SNX29: variants seen among roughly 807,000 people sequenced by gnomAD.
SNX29 encodes the protein sorting nexin 29.
A neutral mutation model predicts 102.1 loss-of-function variants in SNX29; 78 were observed. That is an observed-to-expected ratio of 0.76 (90% CI 0.64 to 0.92). The LOEUF is 0.92. Ranked by LOEUF, SNX29 falls within the 40% of genes least tolerant of loss-of-function variation. SNX29 has a pLI of 0.00. For missense variants in SNX29, 1,280 were observed against 1,061.7 expected, an observed-to-expected ratio of 1.21 and a Z score of -2.86; for synonymous variants, 580 against 414.5, an observed-to-expected ratio of 1.40 and a Z score of -4.85.
chr16:12,146,595 T>G (rs1244206132), intron 13 of SNX29, among the ~76,000 whole-genome samples: 1 of 152,102 alleles, frequency 6.6e-6, no homozygotes, highest in Non-Finnish European at 1.5e-5. Context: ...ATGGCCCAAG[T>G]TCTTGGCGGC....
At chr16:12,223,382 C>G (rs1490993337) in intron 14 of SNX29, among the ~76,000 whole-genome samples, 1 of 152,128 alleles carries the variant, frequency 6.6e-6, no homozygotes, top group Non-Finnish European at 1.5e-5. Context: ...AAAAATTAGG[C>G]TTCGCACGGT....
chr16:12,259,091 T>G (rs2142464255), intron 14 of SNX29, among the ~76,000 whole-genome samples: 1 of 152,248 alleles, frequency 6.6e-6, no homozygotes, highest in Non-Finnish European at 1.5e-5. Flanking sequence ...TCCCCAGAGC[T>G]TCCTTGCTTT....
intron 8 of SNX29, among the ~76,000 whole-genome samples, chr16:12,053,746 C>A (rs1003212884): frequency 1.3e-5 from 2 of 150,580 alleles, no homozygotes; most frequent in African/African-American, 4.9e-5. Flanking sequence ...GATGCTTGTA[C>A]TAGTAGTGTT....
At position 12,159,312 on chromosome 16, in the gene SNX29, A is replaced by T. The variant is rs2141652805; in HGVS notation, c.1595+29554A>T. 2.0e-5 allele frequency among the ~76,000 whole-genome samples: 3 copies of T among 152,352 alleles called. No homozygotes were observed. In the Middle Eastern group the frequency reaches 0.01, roughly 518 times the overall value. On this transcript the variant is annotated intron_variant, in intron 13 of 20. Coordinates refer to ENST00000566228, the MANE Select transcript of SNX29 (RefSeq NM_032167.5). ...TCCATTCTTTCAGAGACGATGGCTC[A>T]GCACACTGTATGTTGGGCTGCTTCT...
intron 11 of SNX29, among the ~76,000 whole-genome samples, chr16:12,106,566 C>T (rs946403958): frequency 6.6e-6 from 1 of 150,940 alleles, no homozygotes; most frequent in Non-Finnish European, 1.5e-5. Context: ...ATCCACTTCC[C>T]GGTCTCAATT....
intron 16 of SNX29, among the ~76,000 whole-genome samples, chr16:12,396,038 A>G (rs1018469082): frequency 6.6e-6 from 1 of 152,182 alleles, no homozygotes; most frequent in African/African-American, 2.4e-5. Flanking sequence ...TAGACACACA[A>G]AATCTCCGGG....
chr16:12,486,536 C>A (rs151028849), intron 19 of SNX29, among the ~76,000 whole-genome samples: 1 of 152,250 alleles, frequency 6.6e-6, no homozygotes, highest in Non-Finnish European at 1.5e-5. Flanking sequence ...TGGGCCATCT[C>A]GCTTGGCAGC....
intron 11 of SNX29, among the ~76,000 whole-genome samples, chr16:12,091,515 C>G (rs879421644): frequency 6.7e-6 from 1 of 149,866 alleles, no homozygotes; most frequent in Non-Finnish European, 1.5e-5. Context: ...GGTTGGGTAT[C>G]ATGGCTTATG....
At chr16:12,015,115 G>A in intron 3 of SNX29, among the ~76,000 whole-genome samples, 1 of 152,038 alleles carries the variant, frequency 6.6e-6, no homozygotes, top group East Asian at 1.9e-4. Flanking sequence ...AAATAGCCAT[G>A]TATATATACA....
intron 15 of SNX29, among the ~76,000 whole-genome samples, chr16:12,326,447 T>G (rs1159654222): frequency 2.6e-5 from 4 of 151,956 alleles, no homozygotes; most frequent in African/African-American, 9.7e-5. Flanking sequence ...TGGCAAACTT[T>G]CTGTAAAGGG....
At chr16:12,070,003 A>T (rs530848950) in intron 10 of SNX29, among the ~76,000 whole-genome samples, 1 of 152,176 alleles carries the variant, frequency 6.6e-6, no homozygotes, top group African/African-American at 2.4e-5. Flanking sequence ...ATTTGTTGAT[A>T]TTTGATAACA....
At chr16:12,557,377 T>A (rs1195932121) in intron 20 of SNX29, 1 of 152,126 alleles carries the variant, frequency 6.6e-6, no homozygotes, top group African/African-American at 2.4e-5. Flanking sequence ...GTTGAGGGCT[T>A]GCGAATAGAA....
At position 12,078,923 on chromosome 16, in the gene SNX29, C is replaced by T. The variant is rs778178496; in HGVS notation, c.1402+8C>T. On this transcript the variant is annotated splice_region_variant and intron_variant, in intron 11 of 20. Transcript: ENST00000566228. ...CAGAGTCCATGACAATTAGTAAGTA[C>T]TTTCGCAGCCCCCTCCACCAGCTCT... is the stretch of plus-strand genomic sequence containing the variant. 12 of 1,591,206 alleles carry T rather than the reference C, an allele frequency of 7.5e-6. 1 individual carries two copies. The South Asian group carries it at 1.4e-4, about 18-fold the overall frequency.
intron 20 of SNX29, among the ~76,000 whole-genome samples, chr16:12,559,540 C>T (rs910048073): frequency 1.3e-5 from 2 of 151,928 alleles, no homozygotes; most frequent in Admixed American, 1.3e-4. Context: ...CATCCCCACC[C>T]CCTACATCTG....
intron 11 of SNX29, among the ~76,000 whole-genome samples, chr16:12,080,017 A>G (rs1231133718): frequency 6.6e-6 from 1 of 152,170 alleles, no homozygotes; most frequent in African/African-American, 2.4e-5. Context: ...CCTTTGTGAT[A>G]TGGTATGTTT....
intron 20 of SNX29, chr16:12,556,543 T>C (rs911495681): frequency 6.6e-6 from 1 of 152,230 alleles, no homozygotes; most frequent in Non-Finnish European, 1.5e-5. Context: ...ATTACAGCTG[T>C]GGGAAACATT....
intron 18 of SNX29, among the ~76,000 whole-genome samples, chr16:12,467,001 A>C (rs936381558): frequency 6.6e-6 from 1 of 152,208 alleles, no homozygotes; most frequent in South Asian, 2.1e-4. Context: ...TAGGGGAACA[A>C]GAGTGCCCAC....
chr16:11,984,877 A>G (rs988584413), intron 1 of SNX29, among the ~76,000 whole-genome samples: 1 of 151,340 alleles, frequency 6.6e-6, no homozygotes, highest in African/African-American at 2.4e-5. Context: ...CTGGTCTTGA[A>G]CTCCAGACCT....
chr16:12,271,526 C>G (rs188485118), intron 14 of SNX29, among the ~76,000 whole-genome samples: 1 of 152,214 alleles, frequency 6.6e-6, no homozygotes, highest in East Asian at 1.9e-4. Flanking sequence ...GGAGGTAAGT[C>G]CAGCCTATGC....
Sources: allele counts gnomAD v4.1 joint callset (sites outside exome capture counted in the v4.1 genomes callset), GRCh38; gene constraint gnomAD v4.1.1; transcripts MANE v1.5; gene names NCBI Gene and HGNC (gene_info 2026-07-23, HGNC 2026-07-21).